The following IL1RAPL1 variants were observed in gnomAD, a reference collection of about 807,000 sequenced individuals.
IL1RAPL1 encodes interleukin-1 receptor accessory protein-like 1.
Under a neutral mutation model 48.4 loss-of-function variants are expected in IL1RAPL1, and 3 were observed. That is an observed-to-expected ratio of 0.06 (90% CI 0.03 to 0.16). The LOEUF (loss-of-function observed/expected upper bound fraction) is 0.16, where lower values mean the gene tolerates loss of function less well. Among genes scored for constraint, IL1RAPL1 ranks in the 10% least tolerant of loss-of-function variants. IL1RAPL1 has a pLI of 1.00. For missense variants in IL1RAPL1, 349 were observed against 530.6 expected (o/e 0.66, Z 3.36); for synonymous variants, 185 against 187.7 (o/e 0.99, Z 0.12).
At chrX:29,854,845 G>A (rs1931446595) in intron 6 of IL1RAPL1, among the ~76,000 whole-genome samples, 1 of 110,517 alleles carries the variant, frequency 9.0e-6, no homozygotes, top group South Asian at 3.9e-4. Context: ...TGGGGGCCAA[G>A]GCGGGAGGAT....
At chrX:29,740,143 A>AAGC (rs1315969274) in intron 6 of IL1RAPL1, among the ~76,000 whole-genome samples, 137 of 104,985 alleles carry the variant, frequency 1.3e-3, no homozygotes, top group African/African-American at 4.0e-3. Context: ...AAAAAAAAAG[A>AAGC]AGCAGCAGCA....
chrX:29,815,381 G>A (rs1601837429), intron 6 of IL1RAPL1, among the ~76,000 whole-genome samples: 2 of 111,397 alleles, frequency 1.8e-5, no homozygotes, highest in South Asian at 7.4e-4. Flanking sequence ...CTCTCAGCTT[G>A]AATGCTATTG....
rs1024150471 is a variant in IL1RAPL1, at chrX:29,917,392, T to A, written c.779-72T>A. The A allele has an allele frequency of 4.3e-6, 4 of 927,944 alleles. No individual in the cohort carries two copies. The African/African-American group carries it at 7.8e-5, about 18-fold the overall frequency. 76.5% of individuals were successfully genotyped at this position (927,944 alleles called of 1,213,427 possible). On this transcript the variant is annotated intron_variant, in intron 6 of 10. Coordinates refer to ENST00000378993, the MANE Select transcript of IL1RAPL1 (RefSeq NM_014271.4). ...AATCAATGAAAAGTGATCAAAATGT[T>A]ACCTGTCAGTTTGCCTAAAATAAGT... is the stretch of plus-strand genomic sequence containing the variant.
At chrX:29,041,013 G>A (rs1926834453) in intron 2 of IL1RAPL1, among the ~76,000 whole-genome samples, 1 of 111,843 alleles carries the variant, frequency 8.9e-6, no homozygotes, top group African/African-American at 3.2e-5. Flanking sequence ...TTTTATAGTG[G>A]AATGAGTTTT....
intron 5 of IL1RAPL1, among the ~76,000 whole-genome samples, chrX:29,663,480 T>C (rs1187158194): frequency 3.6e-5 from 4 of 112,333 alleles, no homozygotes; most frequent in Non-Finnish European, 7.5e-5. Context: ...CTCATTCTTT[T>C]ATCTCTAAAT....
chrX:29,378,918 T>A (rs1207609504), intron 3 of IL1RAPL1, among the ~76,000 whole-genome samples: 1 of 112,443 alleles, frequency 8.9e-6, no homozygotes, highest in African/African-American at 3.2e-5. Flanking sequence ...AACATGGAGA[T>A]AGACTACTCC....
At chrX:29,820,661 C>T (rs1316552554) in intron 6 of IL1RAPL1, among the ~76,000 whole-genome samples, 1 of 111,879 alleles carries the variant, frequency 8.9e-6, no homozygotes, top group Non-Finnish European at 1.9e-5. Context: ...TCCCATCCTC[C>T]TAGGACATCT....
intron 5 of IL1RAPL1, among the ~76,000 whole-genome samples, chrX:29,614,417 C>G (rs1195382586): frequency 4.5e-5 from 5 of 112,199 alleles, no homozygotes; most frequent in African/African-American, 1.6e-4. Context: ...AGTTATTCGT[C>G]TAAAATGATT....
chrX:29,544,733 GTGTGTGTGTGTGTGTGTA>G (rs1921553463), intron 5 of IL1RAPL1, among the ~76,000 whole-genome samples: 1 of 110,350 alleles, frequency 9.1e-6, no homozygotes, highest in Admixed American at 9.7e-5. Flanking sequence ...ATGTGTGTGT[GTGTGTGTGTGTGTGTGTA>G]TGTGTGTGTG....
intron 5 of IL1RAPL1, among the ~76,000 whole-genome samples, chrX:29,473,384 G>A (rs184118851): frequency 9.0e-6 from 1 of 110,758 alleles, no homozygotes; most frequent in Non-Finnish European, 1.9e-5. Context: ...ATTTGAGAGG[G>A]ATGGGACACA....
At chrX:29,306,712 T>C (rs758585147) in intron 3 of IL1RAPL1, among the ~76,000 whole-genome samples, 1 of 103,728 alleles carries the variant, frequency 9.6e-6, no homozygotes, top group East Asian at 3.0e-4. Flanking sequence ...AATACAAAAA[T>C]TAGCTGGGCG....
At chrX:29,756,366 T>G (rs1183073433) in intron 6 of IL1RAPL1, among the ~76,000 whole-genome samples, 1 of 111,960 alleles carries the variant, frequency 8.9e-6, no homozygotes, top group Non-Finnish European at 1.9e-5. Context: ...ATTTTTTTAT[T>G]TTGCAGATTA....
At chrX:29,437,485 C>T (rs1396032774) in intron 5 of IL1RAPL1, among the ~76,000 whole-genome samples, 9 of 110,181 alleles carry the variant, frequency 8.2e-5, no homozygotes, top group African/African-American at 2.9e-4. Flanking sequence ...TTGTCTTATT[C>T]CTGATTTTAG....
chrX:29,815,733 AT>A (rs1930477538), intron 6 of IL1RAPL1, among the ~76,000 whole-genome samples: 1 of 110,847 alleles, frequency 9.0e-6, no homozygotes, highest in East Asian at 2.8e-4. Flanking sequence ...GATGGCTCTT[AT>A]TTTTAGTTAT....
At chrX:29,655,357 A>G (rs148602571) in intron 5 of IL1RAPL1, among the ~76,000 whole-genome samples, 1,223 of 112,074 alleles carry the variant, frequency 0.011, 21 homozygotes, top group East Asian at 0.081. Context: ...GTTGGAAAAC[A>G]CAAATGTGAA....
chrX:29,074,589 C>T (rs1180315066), intron 2 of IL1RAPL1, among the ~76,000 whole-genome samples: 1 of 112,060 alleles, frequency 8.9e-6, no homozygotes, highest in African/African-American at 3.2e-5. Context: ...GTTCTTTAGA[C>T]TTCTTTTCCA....
intron 2 of IL1RAPL1, among the ~76,000 whole-genome samples, chrX:29,258,827 A>AT (rs1010439052): frequency 1.5e-4 from 17 of 110,717 alleles, no homozygotes; most frequent in African/African-American, 4.6e-4. Context: ...AATAGACTAT[A>AT]TTTTTTTTGT....
intron 3 of IL1RAPL1, among the ~76,000 whole-genome samples, chrX:29,367,517 G>C (rs1291214370): frequency 1.8e-5 from 2 of 110,234 alleles, no homozygotes; most frequent in African/African-American, 6.6e-5. Context: ...TCACCATATA[G>C]AGCTTCTAGG....
intron 5 of IL1RAPL1, among the ~76,000 whole-genome samples, chrX:29,564,283 T>C (rs1409412795): frequency 1.8e-5 from 2 of 112,061 alleles, no homozygotes; most frequent in Non-Finnish European, 3.8e-5. Flanking sequence ...AAGTAGCAAA[T>C]AAGCATGATT....
Sources: allele counts gnomAD v4.1 joint callset (sites outside exome capture counted in the v4.1 genomes callset), GRCh38; gene constraint gnomAD v4.1.1; transcripts MANE v1.5; gene names NCBI Gene and HGNC (gene_info 2026-07-23, HGNC 2026-07-21).